The following DLGAP1 variants were observed in gnomAD, a reference collection of about 807,000 sequenced individuals.
DLGAP1 encodes DLG associated protein 1.
A neutral mutation model predicts 90.8 loss-of-function variants in DLGAP1; 11 were observed. That is an observed-to-expected ratio of 0.12 (90% confidence interval 0.08 to 0.20). The LOEUF is 0.20. Among genes scored for constraint, DLGAP1 ranks in the 10% least tolerant of loss-of-function variants. The probability of loss-of-function intolerance (pLI) is 1.00; values close to 1 mark genes in which losing one functional copy is unlikely to be tolerated. For missense variants in DLGAP1, 1,050 were observed against 1,333.8 expected (o/e 0.79, Z 3.31); for synonymous variants, 558 against 540.7 (o/e 1.03, Z -0.44).
At chr18:4,306,466 A>T (rs1290640065) in intron 1 of DLGAP1, among the ~76,000 whole-genome samples, 1 of 144,520 alleles carries the variant, frequency 6.9e-6, no homozygotes, top group Non-Finnish European at 1.6e-5. Flanking sequence ...TGTGTGTGAG[A>T]GAGAGAGAGA....
Position 3,758,967 on chromosome 18 carries a change from C to A in DLGAP1, c.1173-16455G>T, listed in dbSNP as rs762074136. Among the ~76,000 whole-genome samples the A allele has an allele frequency of 6.6e-5, 10 of 152,160 alleles. 1 individual carries two copies. The highest frequency in any genetic ancestry group is 6.8e-3 in the Middle Eastern group (2 of 294). On this transcript the variant is annotated intron_variant, in intron 5 of 12. Transcript: ENST00000315677. ...ATTTCACCAACCAATGTGCCCCATC[C>A]GAAGATCTCAGTTTATACACAGGGA...
chr18:4,217,115 T>C (rs2077974366), intron 1 of DLGAP1, among the ~76,000 whole-genome samples: 1 of 152,158 alleles, frequency 6.6e-6, no homozygotes, highest in South Asian at 2.1e-4. Context: ...CAGAATGTGA[T>C]ATACTTGAGA....
chr18:4,280,649 A>AT (rs1197476265), intron 1 of DLGAP1: 1 of 152,226 alleles, frequency 6.6e-6, no homozygotes, highest in African/African-American at 2.4e-5. Context: ...AATTGCTGCA[A>AT]TTAGACTTTT....
chr18:3,951,624 C>T (rs1332490009), intron 3 of DLGAP1, among the ~76,000 whole-genome samples: 3 of 152,146 alleles, frequency 2.0e-5, no homozygotes, highest in African/African-American at 7.2e-5. Context: ...TTATCTAAAT[C>T]TCATCTTGAA....
At chr18:3,657,221 T>C (rs994432748) in intron 7 of DLGAP1, among the ~76,000 whole-genome samples, 3 of 152,246 alleles carry the variant, frequency 2.0e-5, no homozygotes, top group African/African-American at 4.8e-5. Context: ...TTTCATTCGG[T>C]TGAAGTCCTG....
intron 4 of DLGAP1, among the ~76,000 whole-genome samples, chr18:3,851,572 G>C (rs1159185528): frequency 6.6e-6 from 1 of 151,960 alleles, no homozygotes; most frequent in Non-Finnish European, 1.5e-5. Flanking sequence ...TAATATACAA[G>C]TAATACACAT....
chr18:4,058,438 C>T (rs1568373557), intron 2 of DLGAP1, among the ~76,000 whole-genome samples: 1 of 152,208 alleles, frequency 6.6e-6, no homozygotes, highest in Non-Finnish European at 1.5e-5. Context: ...TCCTGCTATG[C>T]CCCAGGGCCA....
At chr18:3,922,855 G>T (rs978162813) in intron 3 of DLGAP1, among the ~76,000 whole-genome samples, 1 of 152,082 alleles carries the variant, frequency 6.6e-6, no homozygotes, top group Non-Finnish European at 1.5e-5. Flanking sequence ...GCACTAGGCC[G>T]AGTGTCGTGG....
chr18:4,413,859 C>T (rs150846820), intron 1 of DLGAP1, among the ~76,000 whole-genome samples: 253 of 152,238 alleles, frequency 1.7e-3, no homozygotes, highest in African/African-American at 5.9e-3. Flanking sequence ...ACAGCATGGC[C>T]ACACTTTATT....
At chr18:4,264,364 C>T (rs62086529) in intron 1 of DLGAP1, among the ~76,000 whole-genome samples, 3,145 of 152,318 alleles carry the variant, frequency 0.021, 38 homozygotes, top group East Asian at 0.042. Context: ...CACATCCGGT[C>T]AGAGGAACAA....
intron 2 of DLGAP1, among the ~76,000 whole-genome samples, chr18:4,020,746 G>A (rs937041871): frequency 6.6e-6 from 1 of 152,084 alleles, no homozygotes; most frequent in East Asian, 1.9e-4. Context: ...TCTTAACGGG[G>A]GACCAGTCGG....
intron 1 of DLGAP1, among the ~76,000 whole-genome samples, chr18:4,228,676 G>T (rs1461443565): frequency 6.6e-6 from 1 of 151,872 alleles, no homozygotes; most frequent in Non-Finnish European, 1.5e-5. Context: ...GGGTATAGAA[G>T]GAAAACACCA....
At chr18:4,172,883 G>A (rs1478331947) in intron 1 of DLGAP1, among the ~76,000 whole-genome samples, 1 of 152,252 alleles carries the variant, frequency 6.6e-6, no homozygotes, top group African/African-American at 2.4e-5. Flanking sequence ...AGTGCAGGCT[G>A]AAAGCCACTT....
chr18:3,675,785 A>C (rs974972626), intron 7 of DLGAP1, among the ~76,000 whole-genome samples: 7 of 152,222 alleles, frequency 4.6e-5, no homozygotes, highest in Admixed American at 3.3e-4. Flanking sequence ...GAAGAGGGGC[A>C]GAGGGGATTT....
rs999267380 is a variant in DLGAP1 at position 4,185,862 on chromosome 18, CT to C, written c.-266-34576del. Among the ~76,000 whole-genome samples, 34 of 152,168 alleles carry C rather than the reference CT, an allele frequency of 2.2e-4. 1 individual carries two copies. Among genetic ancestry groups the C allele is most frequent in the Admixed American group, 6.6e-4 (10 of 15,262 alleles). ...TTTAGCTCTTTAAGGAATCATCACA[CT>C]GCTTTTCACAATGATTGAACTAGTT... On this transcript the variant is annotated intron_variant, in intron 1 of 12. Transcript: ENST00000315677.
At chr18:4,309,041 G>A (rs1035973461) in intron 1 of DLGAP1, among the ~76,000 whole-genome samples, 5 of 152,246 alleles carry the variant, frequency 3.3e-5, no homozygotes, top group South Asian at 2.1e-4. Context: ...ATAAAATAAC[G>A]CCTATAGAAA....
chr18:4,214,847 G>C (rs1261799242), intron 1 of DLGAP1, among the ~76,000 whole-genome samples: 1 of 152,076 alleles, frequency 6.6e-6, no homozygotes, highest in Non-Finnish European at 1.5e-5. Flanking sequence ...CATTTAGGAA[G>C]AGAATCCCAC....
At chr18:4,269,086 C>G (rs1004166248) in intron 1 of DLGAP1, among the ~76,000 whole-genome samples, 3 of 151,686 alleles carry the variant, frequency 2.0e-5, no homozygotes, top group Admixed American at 6.6e-5. Context: ...AATATTAACT[C>G]TTATAATATC....
intron 1 of DLGAP1, among the ~76,000 whole-genome samples, chr18:4,176,729 CT>C (rs1225582027): frequency 1.3e-5 from 2 of 152,138 alleles, no homozygotes; most frequent in Non-Finnish European, 2.9e-5. Context: ...CTAGAAACTA[CT>C]TTTCCTGGAA....
Sources: gnomAD v4.1 joint callset for allele counts (sites outside exome capture counted in the v4.1 genomes callset) on GRCh38, gnomAD v4.1.1 for gene constraint, MANE v1.5 for transcripts, NCBI Gene and HGNC (gene_info 2026-07-23, HGNC 2026-07-21) for gene names.